The following SGCZ variants were observed in gnomAD, a reference collection of about 807,000 sequenced individuals.
SGCZ encodes the protein sarcoglycan zeta, also known as zeta-sarcoglycan.
A neutral mutation model predicts 41.3 loss-of-function variants in SGCZ; 40 were observed. The ratio of observed to expected loss-of-function variants is 0.97; its 90% CI spans 0.75 to 1.26. SGCZ has a LOEUF of 1.26. Among genes scored for constraint, SGCZ ranks in the 50% most tolerant of loss-of-function variants. SGCZ has a pLI of 0.00. For missense variants in SGCZ, 552 were observed against 369.8 expected, an observed-to-expected ratio of 1.49 and a Z score of -4.04; for synonymous variants, 206 against 137.5, an observed-to-expected ratio of 1.50 and a Z score of -3.49.
At chr8:14,139,639 G>A (rs1321231599) in intron 5 of SGCZ, among the ~76,000 whole-genome samples, 1 of 152,090 alleles carries the variant, frequency 6.6e-6, no homozygotes, top group Non-Finnish European at 1.5e-5. Flanking sequence ...ACTAAACCAG[G>A]AAGAAGTTGA....
chr8:14,979,408 T>C (rs1350305564), intron 1 of SGCZ, among the ~76,000 whole-genome samples: 1 of 152,162 alleles, frequency 6.6e-6, no homozygotes, highest in Non-Finnish European at 1.5e-5. Context: ...TTTGTAGCCA[T>C]TAAAAATTAA....
At chr8:14,325,759 T>C (rs1184728586) in intron 2 of SGCZ, among the ~76,000 whole-genome samples, 8,987 of 32,872 alleles carry the variant, frequency 0.27, 394 homozygotes, top group African/African-American at 0.44. Flanking sequence ...TATATATATA[T>C]ATATATATAT....
chr8:14,163,427 C>A (rs1804108067), intron 5 of SGCZ, among the ~76,000 whole-genome samples: 1 of 152,090 alleles, frequency 6.6e-6, no homozygotes, highest in African/African-American at 2.4e-5. Flanking sequence ...TGGTGTTTGG[C>A]TTTCTATTCC....
At chr8:14,116,896 T>G (rs1027223825) in intron 5 of SGCZ, among the ~76,000 whole-genome samples, 7 of 152,084 alleles carry the variant, frequency 4.6e-5, no homozygotes, top group Non-Finnish European at 1.0e-4. Context: ...TCAGCGTTGA[T>G]TACTGTGAAC....
intron 2 of SGCZ, among the ~76,000 whole-genome samples, chr8:14,498,621 T>A (rs867830028): frequency 6.6e-6 from 1 of 152,088 alleles, no homozygotes; most frequent in Non-Finnish European, 1.5e-5. Flanking sequence ...TTATTTCCTT[T>A]TAACTTTTTC....
At chr8:14,397,548 C>T (rs1798954673) in intron 2 of SGCZ, among the ~76,000 whole-genome samples, 1 of 152,048 alleles carries the variant, frequency 6.6e-6, no homozygotes, top group East Asian at 1.9e-4. Flanking sequence ...ACACAAAAGC[C>T]AGCAATATTA....
At chr8:14,271,795 T>G (rs771178107) in intron 3 of SGCZ, among the ~76,000 whole-genome samples, 31 of 152,202 alleles carry the variant, frequency 2.0e-4, no homozygotes, top group African/African-American at 5.5e-4. Context: ...ATATCTACTG[T>G]AAGGCATTTT....
intron 4 of SGCZ, among the ~76,000 whole-genome samples, chr8:14,201,467 A>T (rs1805453162): frequency 1.3e-5 from 2 of 152,200 alleles, no homozygotes; most frequent in Admixed American, 6.5e-5. Flanking sequence ...AAAATTGTTG[A>T]TTCCTGCAAC....
At chr8:14,093,525 T>C (rs1448560106) in intron 7 of SGCZ, among the ~76,000 whole-genome samples, 1 of 152,096 alleles carries the variant, frequency 6.6e-6, no homozygotes, top group Non-Finnish European at 1.5e-5. Flanking sequence ...CACTATGGCC[T>C]CATAGTATTT....
At chr8:14,223,870 C>A (rs1382692822) in intron 4 of SGCZ, among the ~76,000 whole-genome samples, 1 of 152,134 alleles carries the variant, frequency 6.6e-6, no homozygotes, top group East Asian at 1.9e-4. Flanking sequence ...ATTAGTATTA[C>A]TAATAGTGAT....
chr8:14,090,269 G>C lies in SGCZ; in HGVS notation c.*174C>G. The C allele has an allele frequency of 1.8e-6, 1 of 562,228 alleles. No individual in the cohort carries two copies. The highest frequency in any genetic ancestry group is 3.0e-6 in the Non-Finnish European group (1 of 335,656). 34.8% of individuals were successfully genotyped at this position (562,228 alleles called of 1,614,324 possible). On this transcript the variant is annotated 3_prime_UTR_variant, in exon 8 of 8. Coordinates refer to ENST00000382080, the MANE Select transcript of SGCZ (RefSeq NM_139167.4). ...CTGTGTCAATCACACCCTCTGTGTT[G>C]AGCAGTACAGTAAATCACAAGAGAA...
intron 3 of SGCZ, among the ~76,000 whole-genome samples, chr8:14,239,172 T>C (rs906254626): frequency 1.3e-5 from 2 of 151,922 alleles, no homozygotes; most frequent in Admixed American, 6.6e-5. Context: ...AAAGATTGTT[T>C]GCAAACAGCT....
intron 1 of SGCZ, among the ~76,000 whole-genome samples, chr8:15,230,000 G>A (rs1350208263): frequency 2.6e-5 from 4 of 152,092 alleles, no homozygotes; most frequent in African/African-American, 9.7e-5. Context: ...TATTTAGTAG[G>A]CTCTTAGCTC....
intron 1 of SGCZ, among the ~76,000 whole-genome samples, chr8:14,656,726 G>A (rs777073280): frequency 8.7e-5 from 13 of 149,014 alleles, no homozygotes; most frequent in Admixed American, 2.7e-4. Context: ...TCTCTAGTTT[G>A]CTAACAGCTT....
At chr8:15,138,984 T>C (rs1201438566) in intron 1 of SGCZ, among the ~76,000 whole-genome samples, 1 of 152,172 alleles carries the variant, frequency 6.6e-6, no homozygotes, top group East Asian at 1.9e-4. Context: ...CCATCTATTT[T>C]TAAATAGATG....
At chr8:14,145,125 G>A (rs938607825) in intron 5 of SGCZ, among the ~76,000 whole-genome samples, 1 of 152,148 alleles carries the variant, frequency 6.6e-6, no homozygotes, top group Non-Finnish European at 1.5e-5. Context: ...AGAGGCCTGG[G>A]ACAAGACCCA....
At chr8:15,155,284 G>C (rs1799296618) in intron 1 of SGCZ, among the ~76,000 whole-genome samples, 1 of 152,078 alleles carries the variant, frequency 6.6e-6, no homozygotes, top group East Asian at 1.9e-4. Context: ...GACAGACCCA[G>C]ACCCTGTCTC....
chr8:14,897,418 C>G (rs1198655547), intron 1 of SGCZ, among the ~76,000 whole-genome samples: 1 of 152,152 alleles, frequency 6.6e-6, no homozygotes, highest in Non-Finnish European at 1.5e-5. Context: ...AGCCCTTCCT[C>G]TTAAACTTGA....
chr8:15,049,128 T>A (rs1479377464), intron 1 of SGCZ, among the ~76,000 whole-genome samples: 2 of 152,098 alleles, frequency 1.3e-5, no homozygotes, highest in African/African-American at 4.8e-5. Flanking sequence ...ATATAAAGGA[T>A]ATGAAGATCT....
Sources: allele counts gnomAD v4.1 joint callset (sites outside exome capture counted in the v4.1 genomes callset), GRCh38; gene constraint gnomAD v4.1.1; transcripts MANE v1.5; gene names NCBI Gene and HGNC (gene_info 2026-07-23, HGNC 2026-07-21).